SDK1: variants seen among roughly 807,000 people sequenced by gnomAD.
SDK1 encodes the protein protein sidekick-1.
A neutral mutation model predicts 245.5 loss-of-function variants in SDK1; 157 were observed. That is an observed-to-expected ratio of 0.64 (90% CI 0.56 to 0.73). The LOEUF (loss-of-function observed/expected upper bound fraction) is 0.73, where lower values mean the gene tolerates loss of function less well. SDK1 is among the 30% of genes least tolerant of loss of function. The pLI is 0.00. For missense variants in SDK1, 3,583 were observed against 3,002.3 expected, an observed-to-expected ratio of 1.19 and a Z score of -4.52; for synonymous variants, 1,647 against 1,278.5, an observed-to-expected ratio of 1.29 and a Z score of -6.15.
chr7:3,884,291 G>A (rs1193564644), intron 5 of SDK1, among the ~76,000 whole-genome samples: 1 of 152,080 alleles, frequency 6.6e-6, no homozygotes, highest in African/African-American at 2.4e-5. Flanking sequence ...ATTATTTCAT[G>A]TCCCACTAGA....
intron 1 of SDK1, among the ~76,000 whole-genome samples, chr7:3,465,864 G>A (rs781088550): frequency 6.6e-6 from 1 of 152,156 alleles, no homozygotes; most frequent in South Asian, 2.1e-4. Context: ...CCATAGGGAC[G>A]TGCAGAGGAT....
intron 4 of SDK1, among the ~76,000 whole-genome samples, chr7:3,794,993 C>G (rs547879687): frequency 5.9e-5 from 9 of 152,254 alleles, no homozygotes; most frequent in Admixed American, 3.9e-4. Flanking sequence ...AGGACGAACT[C>G]TGTGCCAGGC....
chr7:4,260,645 T>A (rs1461329884), intron 44 of SDK1, among the ~76,000 whole-genome samples: 1 of 131,804 alleles, frequency 7.6e-6, no homozygotes, highest in Non-Finnish European at 1.6e-5. Flanking sequence ...TGCTCCGGGG[T>A]CTCTGGGTGT....
chr7:4,091,621 C>T (rs1034898432), intron 22 of SDK1, among the ~76,000 whole-genome samples: 19 of 152,206 alleles, frequency 1.2e-4, no homozygotes, highest in South Asian at 6.2e-4. Context: ...GGATTACAGG[C>T]GTGAGCCACT....
At chr7:3,860,418 T>G (rs1177267001) in intron 5 of SDK1, among the ~76,000 whole-genome samples, 1 of 152,162 alleles carries the variant, frequency 6.6e-6, no homozygotes, top group Non-Finnish European at 1.5e-5. Context: ...GAAAAGATGG[T>G]CAAGTTGACT....
At chr7:3,957,126 A>G (rs765359601) in intron 7 of SDK1, among the ~76,000 whole-genome samples, 3 of 152,174 alleles carry the variant, frequency 2.0e-5, no homozygotes, top group Non-Finnish European at 4.4e-5. Flanking sequence ...TCTTGAAATG[A>G]CAAACCTACA....
intron 1 of SDK1, among the ~76,000 whole-genome samples, chr7:3,363,447 G>C (rs1394110255): frequency 1.3e-5 from 2 of 151,998 alleles, no homozygotes; most frequent in African/African-American, 4.8e-5. Context: ...AGATTTTATT[G>C]TGTATCCATT....
rs549921192 is a variant in SDK1 at position 3,967,023 on chromosome 7, C to T, written c.1430-295C>T. On this transcript the variant is annotated intron_variant, in intron 9 of 44. Transcript: ENST00000404826. ...GTCTTTTGGCTGATCTAAATAAATG[C>T]CTCTCCTCTCTTTAATATTCATCAA... Among the ~76,000 whole-genome samples the T allele has an allele frequency of 3.0e-4, 46 of 152,274 alleles. No homozygotes were observed. In the South Asian group the frequency reaches 8.7e-3, roughly 29 times the overall value.
At chr7:4,236,791 C>T (rs1235358314) in intron 41 of SDK1, among the ~76,000 whole-genome samples, 4 of 152,030 alleles carry the variant, frequency 2.6e-5, no homozygotes, top group African/African-American at 9.7e-5. Context: ...GAGGTGGTGA[C>T]GGAGAAGGCA....
At chr7:3,624,747 A>T (rs1347026955) in intron 2 of SDK1, among the ~76,000 whole-genome samples, 1 of 152,060 alleles carries the variant, frequency 6.6e-6, no homozygotes, top group Non-Finnish European at 1.5e-5. Flanking sequence ...TTATATTTAT[A>T]AAAAATATAT....
intron 1 of SDK1, among the ~76,000 whole-genome samples, chr7:3,533,554 C>T (rs573961566): frequency 4.6e-5 from 7 of 152,114 alleles, no homozygotes; most frequent in Non-Finnish European, 7.4e-5. Context: ...ATCAGTTATC[C>T]CTATAAGTCT....
At chr7:3,322,891 C>T (rs1296640354) in intron 1 of SDK1, among the ~76,000 whole-genome samples, 3 of 152,094 alleles carry the variant, frequency 2.0e-5, no homozygotes, top group African/African-American at 7.2e-5. Flanking sequence ...CTCACTACAG[C>T]GTCTACCTCC....
chr7:3,987,525 G>GT (rs1783955903), intron 14 of SDK1, among the ~76,000 whole-genome samples: 1 of 152,194 alleles, frequency 6.6e-6, no homozygotes, highest in Non-Finnish European at 1.5e-5. Flanking sequence ...GAAGTCCTTA[G>GT]TTAGAGGGGC....
intron 19 of SDK1, 132 bp from the exon 20 acceptor site, chr7:4,067,706 C>G (rs1239617239): frequency 1.6e-6 from 1 of 612,454 alleles, no homozygotes; most frequent in Non-Finnish European, 2.9e-6. Context: ...CTGCATTCCA[C>G]TGATGTCTCC....
chr7:3,328,154 G>C (rs1441935425), intron 1 of SDK1, among the ~76,000 whole-genome samples: 1 of 152,120 alleles, frequency 6.6e-6, no homozygotes, highest in African/African-American at 2.4e-5. Flanking sequence ...GAAATCTGTA[G>C]TTGAAATATT....
At chr7:4,076,559 G>GATAC (rs3066359) in intron 20 of SDK1, among the ~76,000 whole-genome samples, 48,582 of 151,768 alleles carry the variant, frequency 0.32, 8,137 homozygotes, top group Middle Eastern at 0.41. Flanking sequence ...TAAATAGATA[G>GATAC]ATACATACAT....
At chr7:3,510,566 C>T (rs760939890) in intron 1 of SDK1, among the ~76,000 whole-genome samples, 5 of 152,088 alleles carry the variant, frequency 3.3e-5, no homozygotes, top group African/African-American at 1.2e-4. Context: ...CTTCTGTGCA[C>T]TTTTGAGGTT....
At chr7:3,507,596 T>C (rs888302442) in intron 1 of SDK1, among the ~76,000 whole-genome samples, 7 of 152,212 alleles carry the variant, frequency 4.6e-5, no homozygotes, top group African/African-American at 9.6e-5. Flanking sequence ...TGTTATTTTA[T>C]AGTCCATTAA....
chr7:3,557,846 G>A (rs1056607041), intron 1 of SDK1, among the ~76,000 whole-genome samples: 4 of 152,052 alleles, frequency 2.6e-5, no homozygotes, highest in East Asian at 1.9e-4. Flanking sequence ...TCATTCACAC[G>A]TCTGCATCTC....
Sources: gnomAD v4.1 joint callset for allele counts (sites outside exome capture counted in the v4.1 genomes callset) on GRCh38, gnomAD v4.1.1 for gene constraint, MANE v1.5 for transcripts, NCBI Gene and HGNC (gene_info 2026-07-23, HGNC 2026-07-21) for gene names.